FRAS1: variants seen among roughly 807,000 people sequenced by gnomAD.
FRAS1 encodes the protein Fraser extracellular matrix complex subunit 1.
Under a neutral mutation model 435.2 loss-of-function variants are expected in FRAS1, and 290 were observed. The observed-to-expected ratio is 0.67, with a 90% CI of 0.61 to 0.73. FRAS1 has a LOEUF of 0.73. Among genes scored for constraint, FRAS1 ranks in the 30% least tolerant of loss-of-function variants. The probability of loss-of-function intolerance (pLI) is 0.00; values close to 1 mark genes in which losing one functional copy is unlikely to be tolerated. For synonymous variants in FRAS1, 1,800 were observed against 1,851.0 expected (o/e 0.97, Z 0.71); for missense variants, 4,860 against 5,001.5 (o/e 0.97, Z 0.85).
chr4:78,067,672 T>TATTATTA, intron 2 of FRAS1, among the ~76,000 whole-genome samples: 2 of 125,748 alleles, frequency 1.6e-5, no homozygotes, highest in Middle Eastern at 4.0e-3. Flanking sequence ...TTTTCTTTCT[T>TATTATTA]TTATTATTAT....
At chr4:78,450,129 C>G (rs199870067) in intron 44 of FRAS1, 22 bp from the exon 45 acceptor site, 2 of 1,596,986 alleles carry the variant, frequency 1.3e-6, no homozygotes, top group Non-Finnish European at 8.6e-7. Context: ...GAATAACCTA[C>G]TCTCTTCCGT....
intron 2 of FRAS1, among the ~76,000 whole-genome samples, chr4:78,095,799 C>A (rs577073373): frequency 2.1e-4 from 32 of 152,316 alleles, no homozygotes; most frequent in African/African-American, 7.7e-4. Context: ...GTCCCTACCA[C>A]AACACATGGG....
intron 12 of FRAS1, among the ~76,000 whole-genome samples, chr4:78,283,270 T>C (rs894220874): frequency 4.6e-5 from 7 of 152,212 alleles, no homozygotes; most frequent in Non-Finnish European, 7.3e-5. Context: ...TCAAGCAACA[T>C]GTTTGAAGAC....
rs570736790 is a variant in FRAS1 at position 78,154,990 on chromosome 4, C to T, written c.109-82520C>T. 5.9e-5 allele frequency among the ~76,000 whole-genome samples: 9 copies of T among 152,332 alleles called. No individual in the cohort carries two copies. In the South Asian group the frequency reaches 8.3e-4, roughly 14 times the overall value. On this transcript the variant is annotated intron_variant, in intron 2 of 73. Coordinates refer to ENST00000512123, the MANE Select transcript of FRAS1 (RefSeq NM_025074.7). ...GAGTAGCATGAATGACTCCATGTGACAGTCTCCTTTAATGATTGATATTAT... is the reference window on the plus strand; with the variant it reads ...GAGTAGCATGAATGACTCCATGTGATAGTCTCCTTTAATGATTGATATTAT...
At chr4:78,141,134 T>C (rs1053313818) in intron 2 of FRAS1, among the ~76,000 whole-genome samples, 2 of 152,052 alleles carry the variant, frequency 1.3e-5, no homozygotes, top group Non-Finnish European at 2.9e-5. Context: ...CCATGGTGGT[T>C]TGCTGCACCC....
chr4:78,249,832 T>C (rs1356121636), intron 4 of FRAS1, among the ~76,000 whole-genome samples: 1 of 152,168 alleles, frequency 6.6e-6, no homozygotes, highest in Non-Finnish European at 1.5e-5. Flanking sequence ...TTTTCTGGTC[T>C]CTGTCTGAAA....
intron 2 of FRAS1, among the ~76,000 whole-genome samples, chr4:78,165,408 A>G (rs778629548): frequency 6.6e-5 from 10 of 152,244 alleles, no homozygotes; most frequent in Non-Finnish European, 1.5e-4. Flanking sequence ...TGGATGGCAC[A>G]TCAAACTGCT....
intron 20 of FRAS1, among the ~76,000 whole-genome samples, chr4:78,357,429 CA>C (rs1730898023): frequency 6.6e-6 from 1 of 152,134 alleles, no homozygotes; most frequent in Non-Finnish European, 1.5e-5. Context: ...GAATCTTGAA[CA>C]TTCTACTGGG....
chr4:78,237,456 G>T (rs1384459018), intron 2 of FRAS1, 54 bp from the exon 3 acceptor site: 68 of 1,260,576 alleles, frequency 5.4e-5, no homozygotes, highest in South Asian at 4.3e-4. Context: ...CAGCTTTTGT[G>T]TGCTCATACC....
intron 19 of FRAS1, among the ~76,000 whole-genome samples, chr4:78,335,834 G>A (rs1310029741): frequency 6.6e-6 from 1 of 151,108 alleles, no homozygotes; most frequent in African/African-American, 2.4e-5. Context: ...GTTGGGATTA[G>A]TACAGAATTT....
chr4:78,415,183 A>G (rs1157517252), intron 32 of FRAS1, among the ~76,000 whole-genome samples: 1 of 152,176 alleles, frequency 6.6e-6, no homozygotes, highest in Non-Finnish European at 1.5e-5. Context: ...GAGTGAGAAC[A>G]TACAATGTTT....
intron 38 of FRAS1, among the ~76,000 whole-genome samples, chr4:78,437,716 A>G (rs1031646250): frequency 6.6e-6 from 1 of 152,164 alleles, no homozygotes; most frequent in African/African-American, 2.4e-5. Flanking sequence ...TGCAACATTA[A>G]TTTTCATTGT....
intron 73 of FRAS1, among the ~76,000 whole-genome samples, chr4:78,539,718 C>A (rs893725985): frequency 6.6e-6 from 1 of 152,124 alleles, no homozygotes; most frequent in East Asian, 1.9e-4. Flanking sequence ...TTCCTAAGTT[C>A]TTTTATATTG....
At position 78,540,638 on chromosome 4, in the gene FRAS1, C is replaced by A; in HGVS notation, c.11553C>A (p.Asn3851Lys). The change falls in exon 74 of 74, where the codon AAC (asparagine) becomes AAA (lysine). Residue 3851 changes from asparagine (N) to lysine (K), a missense_variant. By Grantham distance (94) the Asn-to-Lys change is moderately conservative (BLOSUM62 0). Transcript: ENST00000512123. ...CTCTCACAGCTCCACTCAGACGCAA[C>A]CGAAGGGACCTGGTAGAGCCCGATG... is the stretch of plus-strand genomic sequence containing the variant. ...QRSLTAPLRR[N>K]RRDLVEPDGQ... 1 of 1,600,260 alleles carries A rather than the reference C, an allele frequency of 6.2e-7. No homozygotes were observed. Among genetic ancestry groups the A allele is most frequent in the East Asian group, 2.2e-5 (1 of 44,800 alleles).
At position 78,317,434 on chromosome 4, in the gene FRAS1, C is replaced by T. The variant is rs187365033; in HGVS notation, c.1886C>T (p.Pro629Leu). 5.6e-6 allele frequency: 9 copies of T among 1,613,750 alleles called. No homozygotes were observed. The Admixed American group carries it at 6.7e-5, about 12-fold the overall frequency. Residue 629 changes from proline (P) to leucine (L), a missense_variant, in exon 17 of 74, where the codon CCC (proline) becomes CTC (leucine). Transcript: ENST00000512123. ...TCTCACTGTACAGCCTGCAGCCCCC[C>T]CAAGGCTCTGCGTCAAGGCCACTGT... ...TPSHCTACSP[P>L]KALRQGHCLP...
At chr4:78,232,932 G>T (rs1724579506) in intron 2 of FRAS1, among the ~76,000 whole-genome samples, 1 of 152,186 alleles carries the variant, frequency 6.6e-6, no homozygotes, top group Admixed American at 6.5e-5. Context: ...AACATATCAG[G>T]AAGGCTTCCT....
chr4:78,435,391 G>A (rs1453422701), intron 38 of FRAS1, among the ~76,000 whole-genome samples: 3 of 152,198 alleles, frequency 2.0e-5, no homozygotes, highest in Non-Finnish European at 4.4e-5. Flanking sequence ...TAGTGTAGCA[G>A]AGGAATATAT....
At chr4:78,520,642 A>G (rs1026458548) in intron 67 of FRAS1, among the ~76,000 whole-genome samples, 2 of 151,314 alleles carry the variant, frequency 1.3e-5, no homozygotes, top group African/African-American at 2.4e-5. Context: ...TGCATATGCT[A>G]TATAAATAGT....
chr4:78,196,889 G>A (rs1307066585), intron 2 of FRAS1, among the ~76,000 whole-genome samples: 1 of 152,116 alleles, frequency 6.6e-6, no homozygotes, highest in Non-Finnish European at 1.5e-5. Flanking sequence ...TTCCATAAGT[G>A]CCGTTGTTTA....
Sources: allele counts gnomAD v4.1 joint callset (sites outside exome capture counted in the v4.1 genomes callset), GRCh38; gene constraint gnomAD v4.1.1; transcripts MANE v1.5; gene names NCBI Gene and HGNC (gene_info 2026-07-23, HGNC 2026-07-21).